Variants in DIPK1A observed in about 807,000 individuals in gnomAD.
DIPK1A encodes the protein family with sequence similarity 69 member A.
A neutral mutation model predicts 40.8 loss-of-function variants in DIPK1A; 27 were observed. That is an observed-to-expected ratio of 0.66 (90% CI 0.49 to 0.91). The LOEUF (loss-of-function observed/expected upper bound fraction) is 0.91, where lower values mean the gene tolerates loss of function less well. Among genes scored for constraint, DIPK1A ranks in the 40% least tolerant of loss-of-function variants. The pLI is 0.00. For missense variants in DIPK1A, 412 were observed against 505.7 expected, an observed-to-expected ratio of 0.81 and a Z score of 1.78; for synonymous variants, 166 against 171.3, an observed-to-expected ratio of 0.97 and a Z score of 0.24.
At chr1:92,951,754 T>C (rs1387435266) in intron 1 of DIPK1A, among the ~76,000 whole-genome samples, 1 of 152,188 alleles carries the variant, frequency 6.6e-6, no homozygotes, top group Non-Finnish European at 1.5e-5. Context: ...AAATCCAGTC[T>C]AATTTACTTT....
chr1:92,912,505 A>G (rs1385932984), intron 1 of DIPK1A, among the ~76,000 whole-genome samples: 1 of 152,164 alleles, frequency 6.6e-6, no homozygotes, highest in African/African-American at 2.4e-5. Flanking sequence ...GCAGAGAACT[A>G]AAGTGTTATA....
chr1:92,892,470 G>A (rs547536225), intron 1 of DIPK1A, among the ~76,000 whole-genome samples: 3 of 152,178 alleles, frequency 2.0e-5, no homozygotes, highest in African/African-American at 7.2e-5. Flanking sequence ...CTAACAAACA[G>A]AAAGGACATC....
rs576252172 is a variant in DIPK1A at position 92,887,500 on chromosome 1, G to A, written c.55-11070C>T. ...CTTGCTCTCTTTCATGTCAGATACTGCCAGTAAAACAGATCCCTACTAGTC... is the reference window on the plus strand; with the variant it reads ...CTTGCTCTCTTTCATGTCAGATACTACCAGTAAAACAGATCCCTACTAGTC... On this transcript the variant is annotated intron_variant, in intron 1 of 4. Transcript: ENST00000370310. 9.2e-5 allele frequency among the ~76,000 whole-genome samples: 14 copies of A among 152,138 alleles called. No homozygotes were observed. The South Asian group carries it at 2.7e-3, about 29-fold the overall frequency.
intron 2 of DIPK1A, 114 bp downstream of exon 2, chr1:92,876,182 A>C: frequency 1.5e-6 from 1 of 681,020 alleles, no homozygotes; most frequent in East Asian, 3.3e-5. Flanking sequence ...AGATTAGCAC[A>C]ATTCTAATGT....
At chr1:92,835,660 CAAAAAA>C (rs11417383) in intron 4 of DIPK1A, among the ~76,000 whole-genome samples, 9 of 123,402 alleles carry the variant, frequency 7.3e-5, no homozygotes, top group Non-Finnish European at 9.9e-5. Context: ...AACTGTGTCT[CAAAAAA>C]AAAAAAAAAA....
chr1:92,897,820 A>C (rs1649240270), intron 1 of DIPK1A, among the ~76,000 whole-genome samples: 1 of 151,918 alleles, frequency 6.6e-6, no homozygotes, highest in Non-Finnish European at 1.5e-5. Context: ...ACCTGAGGCT[A>C]GATAATGTAT....
intron 4 of DIPK1A, among the ~76,000 whole-genome samples, chr1:92,836,011 G>GT (rs957223377): frequency 7.3e-5 from 11 of 150,272 alleles, no homozygotes; most frequent in Non-Finnish European, 8.9e-5. Flanking sequence ...AATGTTTTAA[G>GT]TTTTTTTTTT....
intron 1 of DIPK1A, among the ~76,000 whole-genome samples, chr1:92,885,683 T>C (rs1456147521): frequency 6.6e-6 from 1 of 152,156 alleles, no homozygotes; most frequent in Non-Finnish European, 1.5e-5. Context: ...ATCAGCCATC[T>C]CTGAAGGTAA....
intron 1 of DIPK1A, among the ~76,000 whole-genome samples, chr1:92,917,458 C>G (rs1426333844): frequency 6.6e-6 from 1 of 152,128 alleles, no homozygotes; most frequent in Non-Finnish European, 1.5e-5. Context: ...AGAAAAGGCT[C>G]TATTCCTGAC....
intron 3 of DIPK1A, 84 bp downstream of exon 3, chr1:92,850,764 A>C: frequency 1.2e-6 from 1 of 816,574 alleles, no homozygotes; most frequent in East Asian, 2.7e-5. Flanking sequence ...GCTTTGGTTC[A>C]AGAATTCTTT....
At position 92,893,998 on chromosome 1, in the gene DIPK1A, T is replaced by C. The variant is rs190900149; in HGVS notation, c.55-17568A>G. On this transcript the variant is annotated intron_variant, in intron 1 of 4. Coordinates refer to ENST00000370310, the MANE Select transcript of DIPK1A (RefSeq NM_001006605.5). ...CCCAATACAGGAGCACCCAGATTCA[T>C]AAAGCCAGTCCTCAGAGACCTACAA... is the stretch of plus-strand genomic sequence containing the variant. 3.9e-3 allele frequency among the ~76,000 whole-genome samples: 594 copies of C among 152,146 alleles called. 5 individuals carry two copies. Among genetic ancestry groups the C allele is most frequent in the African/African-American group, 0.014 (571 of 41,412 alleles).
At chr1:92,881,988 C>A (rs1473453270) in intron 1 of DIPK1A, among the ~76,000 whole-genome samples, 1 of 152,094 alleles carries the variant, frequency 6.6e-6, no homozygotes, top group Admixed American at 6.5e-5. Flanking sequence ...CTTTAAAAAT[C>A]TTTTTAACTG....
intron 4 of DIPK1A, chr1:92,833,304 T>C: frequency 9.2e-7 from 1 of 1,092,274 alleles, no homozygotes; most frequent in Non-Finnish European, 1.4e-6. Context: ...GAAGTTCAAG[T>C]GTTACTTTGT....
intron 1 of DIPK1A, among the ~76,000 whole-genome samples, chr1:92,946,977 A>C (rs989592636): frequency 4.0e-5 from 6 of 151,820 alleles, no homozygotes; most frequent in Non-Finnish European, 5.9e-5. Flanking sequence ...CAGACATAAA[A>C]GTCTATTATG....
rs912779029 is a variant in DIPK1A, at chr1:92,833,632, G to A, written c.475-598C>T. The A allele has an allele frequency of 1.9e-6, 3 of 1,611,786 alleles. No homozygotes were observed. Among genetic ancestry groups the A allele is most frequent in the Admixed American group, 1.7e-5 (1 of 59,998 alleles). ...ACACCCAAATACAGGATGATAGTTC[G>A]TGTGACAAACAGAGATATCATTTGT... On this transcript the variant is annotated intron_variant, in intron 4 of 4. Coordinates refer to the DIPK1A transcript ENST00000615519.
At chr1:92,929,582 CA>C in intron 1 of DIPK1A, among the ~76,000 whole-genome samples, 1 of 146,402 alleles carries the variant, frequency 6.8e-6, no homozygotes, top group East Asian at 2.0e-4. Flanking sequence ...GGAGTACCTT[CA>C]GGGGCAAGTT....
downstream of DIPK1A, chr1:92,840,257 C>T (rs935024826): frequency 8.2e-6 from 3 of 364,722 alleles, no homozygotes; most frequent in Admixed American, 1.3e-4. Flanking sequence ...GTGATCCTCC[C>T]ACTTCAGACT....
chr1:92,839,031 CTTTTTT>C (rs35078348), downstream of DIPK1A, among the ~76,000 whole-genome samples: 6 of 118,308 alleles, frequency 5.1e-5, no homozygotes, highest in African/African-American at 1.9e-4. Flanking sequence ...AGAGTTGCAG[CTTTTTT>C]TTTTTTTTTT....
At chr1:92,893,539 T>C (rs1649001399) in intron 1 of DIPK1A, among the ~76,000 whole-genome samples, 2 of 152,194 alleles carry the variant, frequency 1.3e-5, no homozygotes, top group African/African-American at 2.4e-5. Context: ...TACCAGCCAC[T>C]GCAAAAACAT....
Sources: allele counts gnomAD v4.1 joint callset (sites outside exome capture counted in the v4.1 genomes callset), GRCh38; gene constraint gnomAD v4.1.1; transcripts MANE v1.5; gene names NCBI Gene and HGNC (gene_info 2026-07-23, HGNC 2026-07-21).